Variants in SLC4A7 observed in about 807,000 individuals in gnomAD.
SLC4A7 encodes the protein solute carrier family 4 member 7, also known as sodium bicarbonate cotransporter 3.
SLC4A7 carries 51 observed loss-of-function variants against 137.6 expected under a neutral mutation model. That is an observed-to-expected ratio of 0.37 (90% CI 0.30 to 0.47). The LOEUF is 0.47. Among genes scored for constraint, SLC4A7 ranks in the 20% least tolerant of loss-of-function variants. The pLI is 1.00. For synonymous variants in SLC4A7, 542 were observed against 518.6 expected, an observed-to-expected ratio of 1.05 and a Z score of -0.61; for missense variants, 1,247 against 1,525.4, an observed-to-expected ratio of 0.82 and a Z score of 3.04.
chr3:27,443,664 A>C (rs921565698), intron 3 of SLC4A7, among the ~76,000 whole-genome samples: 2 of 152,134 alleles, frequency 1.3e-5, no homozygotes, highest in African/African-American at 4.8e-5. Flanking sequence ...TTTTCTCTAA[A>C]GTACTGCTTT....
Position 27,394,578 on chromosome 3 carries a change from A to G in SLC4A7, c.3057T>C (p.Val1019=). 6.2e-7 allele frequency: 1 copy of G among 1,614,146 alleles called. No individual in the cohort carries two copies. Among genetic ancestry groups the G allele is most frequent in the Non-Finnish European group, 8.5e-7 (1 of 1,179,958 alleles). ...PKFLGIREQR[V]TGLMIFILMG... ...TTAGAATAAAAATCATTAGCCCTGT[A>G]ACCCGCTGTTCACGAATTCCCAAAA... Residue 1019 remains valine (V), a synonymous_variant, in exon 20 of 26, where the codon GTT becomes GTC. Coordinates refer to ENST00000454389, the MANE Select transcript of SLC4A7 (RefSeq NM_001321103.2).
At chr3:27,398,994 C>T (rs1483571115) in intron 16 of SLC4A7, among the ~76,000 whole-genome samples, 5 of 148,722 alleles carry the variant, frequency 3.4e-5, no homozygotes, top group African/African-American at 1.2e-4. Flanking sequence ...CTACTGACTT[C>T]ATTTTCCTTT....
rs78683333 is a variant in SLC4A7 at position 27,381,451 on chromosome 3, C to T, written c.3590+1702G>A. On this transcript the variant is annotated intron_variant, in intron 24 of 25. Coordinates refer to ENST00000454389, the MANE Select transcript of SLC4A7 (RefSeq NM_001321103.2). Reference sequence around the variant, plus strand: ...ATTTCTAGAACCCAGCAAAGCAGATCGCTGTGGCTGGATATATTAAATATC... The same window carrying T: ...ATTTCTAGAACCCAGCAAAGCAGATTGCTGTGGCTGGATATATTAAATATC... Among the ~76,000 whole-genome samples the T allele has an allele frequency of 6.2e-3, 939 of 152,178 alleles. 15 individuals carry two copies. Among genetic ancestry groups the T allele is most frequent in the African/African-American group, 0.021 (888 of 41,538 alleles).
intron 12 of SLC4A7, 96 bp from the exon 13 acceptor site, chr3:27,409,626 G>C: frequency 1.2e-6 from 1 of 855,828 alleles, no homozygotes. Flanking sequence ...CTGGTGCCTA[G>C]GTGTTTTGTC....
In SLC4A7 at chr3:27,452,805, G is replaced by A. The variant is rs116289776; in HGVS notation, c.61-307C>T. Among the ~76,000 whole-genome samples the A allele has an allele frequency of 4.0e-3, 606 of 152,266 alleles. 4 individuals carry two copies. Among genetic ancestry groups the A allele is most frequent in the Middle Eastern group, 0.031 (9 of 292 alleles). On this transcript the variant is annotated intron_variant, in intron 1 of 25. Coordinates refer to ENST00000454389, the MANE Select transcript of SLC4A7 (RefSeq NM_001321103.2). ...AAAAGACAGACCTTCTAGGGTCAGA[G>A]ATTAAAGAAAATGTGATGTGAGAGG...
chr3:27,420,134 C>T (rs1179001311), intron 10 of SLC4A7, among the ~76,000 whole-genome samples: 2 of 151,188 alleles, frequency 1.3e-5, no homozygotes, highest in Admixed American at 1.3e-4. Context: ...CACTGCACTC[C>T]AGCCTGGCAA....
chr3:27,447,169 A>G (rs952086973), intron 3 of SLC4A7, among the ~76,000 whole-genome samples: 1 of 151,818 alleles, frequency 6.6e-6, no homozygotes, highest in Non-Finnish European at 1.5e-5. Context: ...TGCAAGCGTG[A>G]GCCACCGCGC....
rs1049642507 is a variant in SLC4A7, at chr3:27,413,924, A to C, written c.1660-2176T>G. Among the ~76,000 whole-genome samples the C allele has an allele frequency of 3.6e-5, 4 of 111,462 alleles. No individual in the cohort carries two copies. In the South Asian group the frequency reaches 1.5e-3, roughly 43 times the overall value. The allele number at this position is 111,462 out of a possible 152,430, so 73.1% of individuals were successfully genotyped here. ...AAAAGGAGGAATAATACTATCTCTT[A>C]CTTACAGATTATTTGACTGAAAAAC... On this transcript the variant is annotated intron_variant, in intron 11 of 25. Coordinates refer to ENST00000454389, the MANE Select transcript of SLC4A7 (RefSeq NM_001321103.2).
rs139500335 is a variant in SLC4A7, at chr3:27,469,959, A to G, written c.60+14108T>C. On this transcript the variant is annotated intron_variant, in intron 1 of 25. Coordinates refer to ENST00000454389, the MANE Select transcript of SLC4A7 (RefSeq NM_001321103.2). ...AAGAATGTCTGAGGATTATCCTAAA[A>G]AATAAATACTTGCCTTCTTTCAAGC... Among the ~76,000 whole-genome samples the G allele has an allele frequency of 9.3e-3, 1,421 of 152,316 alleles. 15 individuals carry two copies. Among genetic ancestry groups the G allele is most frequent in the African/African-American group, 0.032 (1,333 of 41,568 alleles).
At chr3:27,421,465 C>T (rs1020860576) in intron 9 of SLC4A7, among the ~76,000 whole-genome samples, 157 bp downstream of exon 9, 2 of 152,098 alleles carry the variant, frequency 1.3e-5, no homozygotes, top group African/African-American at 4.8e-5. Flanking sequence ...CACTGCACTC[C>T]AGCCTGGATG....
At chr3:27,394,894 T>C in intron 19 of SLC4A7, 60 bp downstream of exon 19, 1 of 1,542,984 alleles carries the variant, frequency 6.5e-7, no homozygotes. Context: ...TTCTAATCAT[T>C]ACAAAAACAG....
chr3:27,402,921 A>G, intron 15 of SLC4A7, among the ~76,000 whole-genome samples: 1 of 151,760 alleles, frequency 6.6e-6, no homozygotes, highest in East Asian at 1.9e-4. Flanking sequence ...TGAATAAGCT[A>G]TCTCAGTGAA....
Position 27,431,571 on chromosome 3 carries a change from G to C in SLC4A7, c.877C>G (p.His293Asp). ...GESPLSLLLGHLLPSSRAGTP... is the reference protein window; with the variant it reads ...GESPLSLLLGDLLPSSRAGTP... ...CCAGCTCTTGAAGAAGGAAGAAGATGACCAAGAAGAAGAGATAAAGGTGAT... is the reference window on the plus strand; with the variant it reads ...CCAGCTCTTGAAGAAGGAAGAAGATCACCAAGAAGAAGAGATAAAGGTGAT... Residue 293 changes from histidine to aspartate, a missense_variant, in exon 7 of 26, where the codon CAT (histidine) becomes GAT (aspartate). Physicochemically the swap from His to Asp is moderately conservative, Grantham distance 81. Around this residue, in one of 6 missense-constraint regions of SLC4A7, gnomAD observed 223 missense variants for 203.6 expected, o/e 1.10. Transcript: ENST00000454389. The C allele has an allele frequency of 6.2e-7, 1 of 1,614,078 alleles. No individual in the cohort carries two copies. The highest frequency in any genetic ancestry group is 8.5e-7 in the Non-Finnish European group (1 of 1,180,008).
At chr3:27,407,395 G>T (rs1414860805) in intron 13 of SLC4A7, among the ~76,000 whole-genome samples, 1 of 151,370 alleles carries the variant, frequency 6.6e-6, no homozygotes, top group Admixed American at 6.6e-5. Flanking sequence ...CAGGAGAATT[G>T]CTTGAACCCG....
intron 1 of SLC4A7, among the ~76,000 whole-genome samples, chr3:27,465,735 GAATCACGA>G (rs1315564563): frequency 8.6e-5 from 13 of 151,594 alleles, no homozygotes; most frequent in Non-Finnish European, 1.6e-4. Context: ...CGAGGCGGAC[GAATCACGA>G]GATCAGGAGA....
chr3:27,398,085 C>T, intron 17 of SLC4A7, 107 bp downstream of exon 17: 1 of 757,098 alleles, frequency 1.3e-6, no homozygotes, highest in African/African-American at 1.8e-5. Flanking sequence ...AACCAGTTGG[C>T]ATGGAGTATT....
At chr3:27,404,335 C>T (rs1314759697) in intron 14 of SLC4A7, among the ~76,000 whole-genome samples, 1 of 152,158 alleles carries the variant, frequency 6.6e-6, no homozygotes, top group Admixed American at 6.5e-5. Context: ...CCACTGCACT[C>T]CAGCCTGGGC....
chr3:27,419,159 G>A (rs933929918), intron 10 of SLC4A7, among the ~76,000 whole-genome samples: 5 of 151,950 alleles, frequency 3.3e-5, no homozygotes, highest in Admixed American at 6.6e-5. Flanking sequence ...ACAGTGAAAC[G>A]CGTTATTAAA....
chr3:27,479,676 CAA>C (rs1371230643), intron 1 of SLC4A7, among the ~76,000 whole-genome samples: 1 of 152,104 alleles, frequency 6.6e-6, no homozygotes, highest in African/African-American at 2.4e-5. Context: ...AAAAATGCAA[CAA>C]AATACACAAT....
Sources: gnomAD v4.1 joint callset for allele counts (sites outside exome capture counted in the v4.1 genomes callset) on GRCh38, gnomAD v4.1.1 for gene constraint, gnomAD v4.1.1 regional missense constraint, MANE v1.5 for transcripts, NCBI Gene and HGNC (gene_info 2026-07-23, HGNC 2026-07-21) for gene names.